PODXL: variants seen among roughly 807,000 people sequenced by gnomAD.
PODXL encodes podocalyxin like.
PODXL carries 20 observed loss-of-function variants against 48.9 expected under a neutral mutation model. The observed-to-expected ratio is 0.41, with a 90% CI of 0.29 to 0.59. The LOEUF is 0.59. Ranked by LOEUF, PODXL falls within the 20% of genes least tolerant of loss-of-function variation. PODXL has a pLI of 0.31. For synonymous variants in PODXL, 295 were observed against 287.4 expected (o/e 1.03, Z -0.27); for missense variants, 606 against 675.1 (o/e 0.90, Z 1.13).
intron 1 of PODXL, among the ~76,000 whole-genome samples, chr7:131,525,426 C>CAAAAAAA (rs57927217): frequency 1.0e-4 from 6 of 59,228 alleles, no homozygotes; most frequent in East Asian, 4.4e-4. Context: ...TCATCTCTAC[C>CAAAAAAA]AAAAAAAAAA....
Position 131,556,439 on chromosome 7 carries a change from G to T in PODXL, c.-80C>A. 2 of 1,294,952 alleles carry T rather than the reference G, an allele frequency of 1.5e-6. No individual in the cohort carries two copies. The highest frequency in any genetic ancestry group is 1.5e-5 in the African/African-American group (1 of 65,498). The allele number at this position is 1,294,952 out of a possible 1,614,324, so 80.2% of individuals were successfully genotyped here. On this transcript the variant is annotated 5_prime_UTR_variant, in exon 1 of 9. Transcript: ENST00000378555. ...GCGCGTCCGGGCGGTAGGAGCGTGG[G>T]CGCCGCCCGGGGAGGCCTGTGGGTG...
At chr7:131,532,161 C>A (rs887450905) in intron 1 of PODXL, among the ~76,000 whole-genome samples, 3 of 148,406 alleles carry the variant, frequency 2.0e-5, no homozygotes, top group African/African-American at 7.4e-5. Flanking sequence ...CGTGGCCGGG[C>A]GTGGTGGCTC....
Position 131,504,158 on chromosome 7 carries a change from A to G in PODXL, c.*153T>C. On this transcript the variant is annotated 3_prime_UTR_variant, in exon 9 of 9. Transcript: ENST00000378555. ...GACAGAATGTGATTTGTTCAGGTTG[A>G]AAAGGGAAAAATTAAGGCCCTGGGG... 1 of 628,000 alleles carries G rather than the reference A, an allele frequency of 1.6e-6. No individual in the cohort carries two copies. Among genetic ancestry groups the G allele is most frequent in the Admixed American group, 2.9e-5 (1 of 34,734 alleles). The allele number at this position is 628,000 out of a possible 1,614,324, so 38.9% of individuals were successfully genotyped here.
chr7:131,503,022 CTT>C lies in PODXL; in HGVS notation c.*1287_*1288del, dbSNP rs1797734023. The C allele has an allele frequency of 6.5e-6, 1 of 152,854 alleles. No individual in the cohort carries two copies. Among genetic ancestry groups the C allele is most frequent in the African/African-American group, 2.4e-5 (1 of 41,578 alleles). The allele number at this position is 152,854 out of a possible 1,614,324, so 9.5% of individuals were successfully genotyped here. ...GCATGCACTGCGCTTTCCAGGCCCTCTTTTCCTGTGGCACAGGAGAATCAGAG... is the reference window on the plus strand; with the variant it reads ...GCATGCACTGCGCTTTCCAGGCCCTCTTCCTGTGGCACAGGAGAATCAGAG... On this transcript the variant is annotated 3_prime_UTR_variant, in exon 9 of 9. Transcript: ENST00000378555.
At chr7:131,507,972 T>C (rs935962255) in intron 5 of PODXL, among the ~76,000 whole-genome samples, 1 of 152,222 alleles carries the variant, frequency 6.6e-6, no homozygotes, top group African/African-American at 2.4e-5. Context: ...ATCCTATCTA[T>C]AGACACCGTG....
At chr7:131,545,521 C>G (rs1025028343) in intron 1 of PODXL, among the ~76,000 whole-genome samples, 3 of 152,170 alleles carry the variant, frequency 2.0e-5, no homozygotes, top group Non-Finnish European at 4.4e-5. Context: ...AGTATTTCCC[C>G]CAAAATGTCC....
chr7:131,531,785 T>A (rs1353492392), intron 1 of PODXL, among the ~76,000 whole-genome samples: 1 of 152,186 alleles, frequency 6.6e-6, no homozygotes, highest in African/African-American at 2.4e-5. Context: ...TCAGTTATTA[T>A]CTGTAAAGAC....
intron 1 of PODXL, among the ~76,000 whole-genome samples, chr7:131,513,559 T>C (rs1460166936): frequency 1.3e-5 from 2 of 152,216 alleles, no homozygotes; most frequent in Non-Finnish European, 2.9e-5. Context: ...GCCAGCTCTT[T>C]GCCTTGCCAG....
At chr7:131,514,023 T>TTATC (rs767737096) in intron 1 of PODXL, among the ~76,000 whole-genome samples, 12 of 152,194 alleles carry the variant, frequency 7.9e-5, no homozygotes, top group Non-Finnish European at 1.5e-4. Context: ...AGCAGTCACA[T>TTATC]TATCACCTCT....
intron 1 of PODXL, among the ~76,000 whole-genome samples, chr7:131,547,493 C>T (rs1798599402): frequency 6.6e-6 from 1 of 151,936 alleles, no homozygotes; most frequent in Non-Finnish European, 1.5e-5. Context: ...CCTATTTTCC[C>T]GCTGGAGAAG....
In PODXL at chr7:131,501,032, A is replaced by G. The variant is rs1797692334; in HGVS notation, c.*3279T>C. Reference sequence around the variant, plus strand: ...TACAGGGTTGCCTGCCAACCAGAGCATATTGACTCCAACCTTTACTGAAAT... The same window carrying G: ...TACAGGGTTGCCTGCCAACCAGAGCGTATTGACTCCAACCTTTACTGAAAT... On this transcript the variant is annotated 3_prime_UTR_variant, in exon 9 of 9. Coordinates refer to ENST00000378555, the MANE Select transcript of PODXL (RefSeq NM_001018111.3). 6.6e-6 allele frequency: 1 copy of G among 152,260 alleles called. No homozygotes were observed. The highest frequency in any genetic ancestry group is 1.5e-5 in the Non-Finnish European group (1 of 68,016). The allele number at this position is 152,260 out of a possible 1,614,324, so 9.4% of individuals were successfully genotyped here. A position where few individuals can be genotyped will look rare whatever the true frequency, so the allele number is the denominator to read the frequency against.
intron 1 of PODXL, among the ~76,000 whole-genome samples, chr7:131,533,322 T>G (rs985876390): frequency 1.3e-5 from 2 of 152,144 alleles, no homozygotes; most frequent in Non-Finnish European, 2.9e-5. Context: ...GGTGGGGTCG[T>G]CAGGCCTGCC....
At chr7:131,552,773 A>AC (rs1174080459) in intron 1 of PODXL, among the ~76,000 whole-genome samples, 2 of 151,484 alleles carry the variant, frequency 1.3e-5, no homozygotes, top group Admixed American at 6.6e-5. Context: ...ACATTCCCCC[A>AC]CCCCAGCCCT....
chr7:131,540,108 T>C lies in PODXL; in HGVS notation c.100+16152A>G, dbSNP rs147558676. 1.5e-3 allele frequency among the ~76,000 whole-genome samples: 222 copies of C among 152,272 alleles called. 5 individuals carry two copies. The South Asian group carries it at 0.018, about 12-fold the overall frequency. On this transcript the variant is annotated intron_variant, in intron 1 of 8. Transcript: ENST00000378555. ...CCCAGATTGGAGTGCGGTGGCGCGATCACGGCTCACTGCAGCTTCAACCTC... is the reference window on the plus strand; with the variant it reads ...CCCAGATTGGAGTGCGGTGGCGCGACCACGGCTCACTGCAGCTTCAACCTC...
intron 1 of PODXL, among the ~76,000 whole-genome samples, chr7:131,541,005 C>CTCTT (rs1052710303): frequency 3.0e-4 from 45 of 152,340 alleles, no homozygotes; most frequent in African/African-American, 1.0e-3. Flanking sequence ...AATTTCTATC[C>CTCTT]TCTTTGTGTT....
At chr7:131,534,035 G>C (rs1437099403) in intron 1 of PODXL, among the ~76,000 whole-genome samples, 1 of 140,380 alleles carries the variant, frequency 7.1e-6, no homozygotes, top group Non-Finnish European at 1.6e-5. Context: ...AGCTGTGCAG[G>C]GGGGAAGGAA....
chr7:131,517,844 T>C (rs908342383), intron 1 of PODXL, among the ~76,000 whole-genome samples: 2 of 152,044 alleles, frequency 1.3e-5, no homozygotes, highest in African/African-American at 2.4e-5. Flanking sequence ...GTTCAAGCAA[T>C]TCTCCTGCCT....
intron 5 of PODXL, among the ~76,000 whole-genome samples, chr7:131,508,056 T>G (rs1457188436): frequency 8.5e-5 from 13 of 152,202 alleles, no homozygotes; most frequent in East Asian, 1.9e-4. Context: ...AGGGCAGCAG[T>G]GAGCCAGCCA....
At chr7:131,544,487 T>A (rs1798532727) in intron 1 of PODXL, among the ~76,000 whole-genome samples, 1 of 151,914 alleles carries the variant, frequency 6.6e-6, no homozygotes, top group South Asian at 2.1e-4. Context: ...CAGCACAAGC[T>A]CTCTAGAACC....
Sources: gnomAD v4.1 joint callset for allele counts (sites outside exome capture counted in the v4.1 genomes callset) on GRCh38, gnomAD v4.1.1 for gene constraint, MANE v1.5 for transcripts, NCBI Gene and HGNC (gene_info 2026-07-23, HGNC 2026-07-21) for gene names.